Variants in THADA observed in about 807,000 individuals in gnomAD.
The protein encoded by THADA is THADA armadillo repeat containing.
In THADA, 213 loss-of-function variants were observed where a neutral mutation model predicts 219.8. That is an observed-to-expected ratio of 0.97 (90% CI 0.87 to 1.09). The LOEUF is 1.09. Among genes scored for constraint, THADA ranks in the 50% least tolerant of loss-of-function variants. THADA has a pLI of 0.00. For missense variants in THADA, 2,956 were observed against 2,311.3 expected (o/e 1.28, Z -5.72); for synonymous variants, 1,018 against 828.9 (o/e 1.23, Z -3.92).
intron 26 of THADA, among the ~76,000 whole-genome samples, chr2:43,441,766 T>A (rs887767245): frequency 3.9e-5 from 6 of 152,226 alleles, no homozygotes; most frequent in African/African-American, 1.4e-4. Flanking sequence ...AAGGCCAAGA[T>A]CATAGGACCA....
intron 36 of THADA, among the ~76,000 whole-genome samples, chr2:43,251,970 G>A (rs534016971): frequency 1.3e-5 from 2 of 151,864 alleles, no homozygotes; most frequent in South Asian, 2.1e-4. Context: ...TTTTCCATTC[G>A]GGGCTGTTCC....
At chr2:43,250,291 A>G (rs944639137) in intron 36 of THADA, among the ~76,000 whole-genome samples, 1 of 152,244 alleles carries the variant, frequency 6.6e-6, no homozygotes, top group African/African-American at 2.4e-5. Flanking sequence ...TGTCTAATGA[A>G]AATAGCCAAG....
At chr2:43,515,680 C>T (rs1010450769) in intron 22 of THADA, among the ~76,000 whole-genome samples, 1 of 151,780 alleles carries the variant, frequency 6.6e-6, no homozygotes, top group Non-Finnish European at 1.5e-5. Flanking sequence ...AAGTTTCTCA[C>T]TGGCAATAAC....
At chr2:43,492,736 C>A (rs902716304) in intron 25 of THADA, among the ~76,000 whole-genome samples, 1 of 152,196 alleles carries the variant, frequency 6.6e-6, no homozygotes, top group Non-Finnish European at 1.5e-5. Context: ...AGTCTATCAT[C>A]TGTAATCCAG....
At chr2:43,352,359 A>G (rs1453381476) in intron 29 of THADA, among the ~76,000 whole-genome samples, 1 of 152,136 alleles carries the variant, frequency 6.6e-6, no homozygotes, top group Admixed American at 6.5e-5. Context: ...GGAGTTCGAG[A>G]CCAGCCTGGC....
chr2:43,545,671 G>A (rs1334197567), intron 20 of THADA, among the ~76,000 whole-genome samples: 1 of 152,112 alleles, frequency 6.6e-6, no homozygotes, highest in East Asian at 1.9e-4. Context: ...AGAAGTGTTT[G>A]TAGTATTCTC....
chr2:43,241,777 G>A (rs1166782355), intron 36 of THADA, among the ~76,000 whole-genome samples: 2 of 152,004 alleles, frequency 1.3e-5, no homozygotes, highest in East Asian at 2.0e-4. Flanking sequence ...GCCTCCCATC[G>A]CGCGCCTTTC....
At chr2:43,375,476 G>C (rs1280215385) in intron 29 of THADA, among the ~76,000 whole-genome samples, 2 of 152,024 alleles carry the variant, frequency 1.3e-5, no homozygotes, top group African/African-American at 4.8e-5. Context: ...AGTATACTTG[G>C]GGTCCCTGTC....
intron 25 of THADA, among the ~76,000 whole-genome samples, chr2:43,497,508 G>A (rs1286034264): frequency 6.6e-6 from 1 of 152,128 alleles, no homozygotes; most frequent in African/African-American, 2.4e-5. Flanking sequence ...GACACAGAAA[G>A]GGGAACAACA....
chr2:43,314,807 G>C (rs1677893452), intron 31 of THADA, among the ~76,000 whole-genome samples: 1 of 152,150 alleles, frequency 6.6e-6, no homozygotes, highest in South Asian at 2.1e-4. Context: ...AGAGGAAAAA[G>C]AACACAGGGG....
intron 29 of THADA, among the ~76,000 whole-genome samples, chr2:43,351,540 G>A (rs773768731): frequency 2.0e-5 from 3 of 152,138 alleles, no homozygotes; most frequent in Non-Finnish European, 4.4e-5. Flanking sequence ...TCTCTTCAGT[G>A]CTCCAACATC....
rs1392528254 is a variant in THADA, at chr2:43,549,371, G to C, written c.2948-3C>G. The C allele has an allele frequency of 1.1e-5, 17 of 1,599,816 alleles. No individual in the cohort carries two copies. Among genetic ancestry groups the C allele is most frequent in the Admixed American group, 1.8e-5 (1 of 57,022 alleles). On this transcript the variant is annotated splice_region_variant and splice_polypyrimidine_tract_variant and intron_variant, in intron 19 of 37. Transcript: ENST00000405975. ...CATCTGTAAGCGGCTTGCTGACTCT[G>C]AGGGAAAGAAATGAGCGTACATGAA...
In THADA at chr2:43,505,707, CCTTT is replaced by C; in HGVS notation, c.3532_3535del (p.Lys1178AlafsTer6). 2 of 1,588,080 alleles carry C rather than the reference CCTTT, an allele frequency of 1.3e-6. No individual in the cohort carries two copies. The highest frequency in any genetic ancestry group is 1.7e-6 in the Non-Finnish European group (2 of 1,165,386). On this transcript the variant is annotated frameshift_variant, in exon 24 of 38. Transcript: ENST00000405975. LOFTEE classifies it high-confidence loss of function. ...TGTTATTTTCAACAAATCCATTCTG[CCTTT>C]CTTTGGTTCAGATGCCAACAGTGCC...
At chr2:43,308,247 T>A (rs1677083211) in intron 31 of THADA, among the ~76,000 whole-genome samples, 1 of 151,984 alleles carries the variant, frequency 6.6e-6, no homozygotes, top group Non-Finnish European at 1.5e-5. Flanking sequence ...AGTTTGTGAA[T>A]TTAGAGTCAC....
chr2:43,589,441 C>T (rs1001521609), intron 4 of THADA, among the ~76,000 whole-genome samples: 1 of 152,176 alleles, frequency 6.6e-6, no homozygotes, highest in African/African-American at 2.4e-5. Context: ...CGGAAAGTGG[C>T]TGCCAAGGGC....
intron 25 of THADA, among the ~76,000 whole-genome samples, chr2:43,494,467 A>G (rs1039968293): frequency 6.6e-6 from 1 of 152,218 alleles, no homozygotes; most frequent in Admixed American, 6.5e-5. Context: ...CCTTCTTTGT[A>G]TTCTTAAAAT....
In THADA at chr2:43,585,577, T is replaced by TAGATAGAAAGAA. The variant is rs1553505551; in HGVS notation, c.533+823_533+824insTTCTTTCTATCT. 3.9e-4 allele frequency among the ~76,000 whole-genome samples: 53 copies of TAGATAGAAAGAA among 135,312 alleles called. 1 individual carries two copies. Among genetic ancestry groups the TAGATAGAAAGAA allele is most frequent in the African/African-American group, 1.6e-3 (52 of 32,424 alleles). The allele number at this position is 135,312 out of a possible 152,430, so 88.8% of individuals were successfully genotyped here. On this transcript the variant is annotated intron_variant, in intron 7 of 37. Coordinates refer to ENST00000405975, the MANE Select transcript of THADA (RefSeq NM_022065.5). ...ATAGATAGATAGATAGATAGATAGATAGAAAGAAATACATAATTGCCCAGC... is the reference window on the plus strand; with the variant it reads ...ATAGATAGATAGATAGATAGATAGATAGATAGAAAGAAAGAAAGAAATACATAATTGCCCAGC...
intron 20 of THADA, among the ~76,000 whole-genome samples, chr2:43,544,048 A>G (rs1157156057): frequency 4.6e-5 from 7 of 152,088 alleles, no homozygotes; most frequent in Admixed American, 4.6e-4. Flanking sequence ...TAATTTTTGT[A>G]TAAGGTGTAA....
chr2:43,435,781 CAAAAAAAAAAA>C (rs542080356), intron 26 of THADA, among the ~76,000 whole-genome samples: 6 of 53,826 alleles, frequency 1.1e-4, no homozygotes, highest in African/African-American at 4.0e-4. Flanking sequence ...AACTTGCCAC[CAAAAAAAAAAA>C]AAAAAAAAGA....
Sources: allele counts gnomAD v4.1 joint callset (sites outside exome capture counted in the v4.1 genomes callset), GRCh38; gene constraint gnomAD v4.1.1; transcripts MANE v1.5; gene names NCBI Gene and HGNC (gene_info 2026-07-23, HGNC 2026-07-21).